The following CLASP1 variants were observed in gnomAD, a reference collection of about 807,000 sequenced individuals.
CLASP1 encodes the protein CLIP-associating protein 1.
In CLASP1, 38 loss-of-function variants were observed where a neutral mutation model predicts 192.3. That is an observed-to-expected ratio of 0.20 (90% CI 0.15 to 0.26). The LOEUF (loss-of-function observed/expected upper bound fraction) is 0.26, where lower values mean the gene tolerates loss of function less well. CLASP1 is among the 10% of genes least tolerant of loss of function. The probability of loss-of-function intolerance (pLI) is 1.00; values close to 1 mark genes in which losing one functional copy is unlikely to be tolerated. For missense variants in CLASP1, 1,433 were observed against 1,932.5 expected, an observed-to-expected ratio of 0.74 and a Z score of 4.85; for synonymous variants, 691 against 712.8, an observed-to-expected ratio of 0.97 and a Z score of 0.49.
intron 2 of CLASP1, among the ~76,000 whole-genome samples, chr2:121,583,718 G>A (rs1016132756): frequency 1.3e-5 from 2 of 151,662 alleles, no homozygotes; most frequent in Non-Finnish European, 2.9e-5. Context: ...ATTCTCTTTC[G>A]TTCTTCACTG....
chr2:121,387,423 C>T (rs2073474938), intron 31 of CLASP1, among the ~76,000 whole-genome samples, 195 bp from the exon 33 acceptor site: 1 of 151,938 alleles, frequency 6.6e-6, no homozygotes, highest in Admixed American at 6.6e-5. Context: ...TACAAGCACT[C>T]CTGGAGTCAA....
chr2:121,365,288 G>A lies in CLASP1; in HGVS notation c.3887-4C>T, dbSNP rs1410524997. 1 of 1,610,840 alleles carries A rather than the reference G, an allele frequency of 6.2e-7. No individual in the cohort carries two copies. The highest frequency in any genetic ancestry group is 8.5e-7 in the Non-Finnish European group (1 of 1,178,758). On this transcript the variant is annotated splice_polypyrimidine_tract_variant and splice_region_variant and intron_variant, in intron 35 of 39. Transcript: ENST00000263710. ...AGGTCAGAATGGTCGATGGGCACTG[G>A]TGAAACACACCAGACATACGTCACC... is the stretch of plus-strand genomic sequence containing the variant.
chr2:121,558,658 G>T (rs1490993090), intron 2 of CLASP1, among the ~76,000 whole-genome samples: 1 of 152,132 alleles, frequency 6.6e-6, no homozygotes, highest in Non-Finnish European at 1.5e-5. Context: ...ACCAGAGGTG[G>T]CCCTTTGACT....
At chr2:121,374,452 C>T (rs1040298789) in intron 34 of CLASP1, among the ~76,000 whole-genome samples, 2 of 152,232 alleles carry the variant, frequency 1.3e-5, no homozygotes, top group Admixed American at 1.3e-4. Flanking sequence ...CCACAGAGTC[C>T]CCACTGGGGC....
chr2:121,485,187 T>C (rs1294869733), intron 8 of CLASP1, among the ~76,000 whole-genome samples: 2 of 152,142 alleles, frequency 1.3e-5, no homozygotes, highest in African/African-American at 2.4e-5. Flanking sequence ...GTCATGGACA[T>C]GGAATTTAAG....
At chr2:121,567,858 C>T (rs190777173) in intron 2 of CLASP1, among the ~76,000 whole-genome samples, 137 of 152,270 alleles carry the variant, frequency 9.0e-4, no homozygotes, top group Admixed American at 1.0e-3. Flanking sequence ...TACACGATAT[C>T]AGAGTTTAGT....
exon 36 of CLASP1, chr2:121,365,268 A>G: frequency 1.9e-6 from 3 of 1,613,054 alleles, no homozygotes; most frequent in Non-Finnish European, 2.5e-6. Flanking sequence ...CCACCAGGTC[A>G]GAATGGTCGA....
chr2:121,602,840 A>C (rs2063948287), intron 2 of CLASP1, among the ~76,000 whole-genome samples: 1 of 152,228 alleles, frequency 6.6e-6, no homozygotes. Context: ...TGTAAGACCC[A>C]AAACAATAAA....
In CLASP1 at chr2:121,641,200, G is replaced by A. The variant is rs191259365; in HGVS notation, c.-286+8172C>T. ...ACAACAGGCCTCTGTTAGCATGTCC[G>A]GGCTACTGTTCGTAACAGAGTCTGC... On this transcript the variant is annotated intron_variant, in intron 1 of 39. Coordinates refer to ENST00000263710, the Ensembl canonical transcript of CLASP1. 1.4e-3 allele frequency among the ~76,000 whole-genome samples: 206 copies of A among 152,150 alleles called. 1 individual carries two copies. Among genetic ancestry groups the A allele is most frequent in the Admixed American group, 3.9e-3 (60 of 15,260 alleles).
chr2:121,397,335 C>T (rs1257336751), intron 29 of CLASP1, 52 bp from the exon 31 acceptor site: 1 of 1,523,980 alleles, frequency 6.6e-7, no homozygotes, highest in African/African-American at 1.4e-5. Context: ...AATCTTTGAA[C>T]ACAATTCTTA....
At chr2:121,384,047 TACACACATATATGTATATATACAC>T (rs2072506246) in intron 32 of CLASP1, among the ~76,000 whole-genome samples, 2 of 135,610 alleles carry the variant, frequency 1.5e-5, no homozygotes, top group African/African-American at 5.2e-5. Context: ...TATGTATATA[TACACACATATATGTATATATACAC>T]ACACACATAT....
intron 8 of CLASP1, among the ~76,000 whole-genome samples, chr2:121,485,606 G>A (rs2092918031): frequency 6.6e-6 from 1 of 152,154 alleles, no homozygotes; most frequent in Admixed American, 6.5e-5. Context: ...GCTCACGCCT[G>A]TAATCTCAGC....
chr2:121,394,009 T>C (rs888642764), intron 30 of CLASP1, among the ~76,000 whole-genome samples: 1 of 152,134 alleles, frequency 6.6e-6, no homozygotes, highest in African/African-American at 2.4e-5. Context: ...CGAATAACTA[T>C]GGAAGCCTTC....
At chr2:121,489,789 GA>G (rs907574441) in intron 8 of CLASP1, among the ~76,000 whole-genome samples, 5 of 152,064 alleles carry the variant, frequency 3.3e-5, no homozygotes, top group Admixed American at 6.6e-5. Context: ...TTTTAAAGGG[GA>G]AAAAAATAAA....
intron 15 of CLASP1, 124 bp downstream of exon 15, chr2:121,451,666 G>A (rs2085502474): frequency 1.3e-5 from 9 of 703,428 alleles, no homozygotes; most frequent in Admixed American, 5.6e-5. Context: ...AACAACAGAC[G>A]TAGTCATGAA....
intron 1 of CLASP1, among the ~76,000 whole-genome samples, chr2:121,636,107 G>A (rs890597663): frequency 3.3e-5 from 5 of 151,922 alleles, no homozygotes; most frequent in Non-Finnish European, 7.4e-5. Context: ...GGGAGGCTAA[G>A]GCAGGTGGAT....
chr2:121,409,465 C>T (rs561365644), intron 24 of CLASP1, among the ~76,000 whole-genome samples: 1 of 152,238 alleles, frequency 6.6e-6, no homozygotes, highest in African/African-American at 2.4e-5. Context: ...ACAGTTTGGA[C>T]AAAAAGTAAC....
intron 14 of CLASP1, among the ~76,000 whole-genome samples, chr2:121,455,308 C>T (rs980286873): frequency 7.2e-5 from 11 of 152,002 alleles, no homozygotes; most frequent in Admixed American, 4.6e-4. Context: ...AGGTATATAT[C>T]CCCAAAAAAT....
intron 6 of CLASP1, among the ~76,000 whole-genome samples, chr2:121,517,017 CTG>C (rs2094316831): frequency 1.3e-5 from 2 of 152,094 alleles, no homozygotes; most frequent in Admixed American, 1.3e-4. Flanking sequence ...GAGCAAGACT[CTG>C]TCTCAGAAAG....
Sources: allele counts gnomAD v4.1 joint callset (sites outside exome capture counted in the v4.1 genomes callset), GRCh38; gene constraint gnomAD v4.1.1; transcripts MANE v1.5; gene names NCBI Gene and HGNC (gene_info 2026-07-23, HGNC 2026-07-21).